SCNN1B: variants seen among roughly 807,000 people sequenced by gnomAD.
SCNN1B encodes the protein epithelial sodium channel subunit beta.
Under a neutral mutation model 65.3 loss-of-function variants are expected in SCNN1B, and 46 were observed. The ratio of observed to expected loss-of-function variants is 0.70; its 90% CI spans 0.56 to 0.90. The LOEUF is 0.90. SCNN1B is among the 40% of genes least tolerant of loss of function. The pLI, the probability that SCNN1B is intolerant of heterozygous loss-of-function variation, is 0.00. For synonymous variants in SCNN1B, 349 were observed against 330.6 expected, an observed-to-expected ratio of 1.06 and a Z score of -0.60; for missense variants, 751 against 830.5, an observed-to-expected ratio of 0.90 and a Z score of 1.18.
At chr16:23,283,275 GTGGCACA>G (rs1960806806) in intron 1 of SCNN1B, among the ~76,000 whole-genome samples, 1 of 152,156 alleles carries the variant, frequency 6.6e-6, no homozygotes. Flanking sequence ...GCCAGGTGCG[GTGGCACA>G]TGCCTGTAGT....
chr16:23,296,902 G>T (rs1189452865), intron 2 of SCNN1B, among the ~76,000 whole-genome samples: 2 of 150,664 alleles, frequency 1.3e-5, no homozygotes, highest in African/African-American at 4.9e-5. Flanking sequence ...CAGGGGAATC[G>T]CTTTAACCCA....
chr16:23,323,392 C>G (rs1274386302), intron 1 of SCNN1B, among the ~76,000 whole-genome samples: 1 of 152,134 alleles, frequency 6.6e-6, no homozygotes, highest in Non-Finnish European at 1.5e-5. Context: ...CCAGGGTACC[C>G]AAGGGCTCCA....
chr16:23,354,847 A>C (rs995985746), intron 3 of SCNN1B, among the ~76,000 whole-genome samples: 1 of 152,172 alleles, frequency 6.6e-6, no homozygotes, highest in Non-Finnish European at 1.5e-5. Flanking sequence ...TCTTCTGTGC[A>C]TGCCTCTGCA....
chr16:23,354,390 A>G (rs1158069238), intron 3 of SCNN1B, among the ~76,000 whole-genome samples: 1 of 152,250 alleles, frequency 6.6e-6, no homozygotes, highest in African/African-American at 2.4e-5. Flanking sequence ...TAAGAATGCC[A>G]GGGGAAGCTT....
At chr16:23,304,157 T>C (rs963213941) in intron 1 of SCNN1B, 7 of 1,340,538 alleles carry the variant, frequency 5.2e-6, no homozygotes, top group Middle Eastern at 2.1e-4. Flanking sequence ...TAAGTTCAAT[T>C]TATTTTTCTT....
At chr16:23,281,561 C>G (rs1302439389) in intron 1 of SCNN1B, among the ~76,000 whole-genome samples, 3 of 152,106 alleles carry the variant, frequency 2.0e-5, no homozygotes, top group Non-Finnish European at 4.4e-5. Flanking sequence ...CTGGTGGGGT[C>G]AGGTACAGTT....
chr16:23,324,102 T>C lies in SCNN1B; in HGVS notation c.-9+21665T>C, dbSNP rs1961643287. On this transcript the variant is annotated intron_variant, in intron 1 of 12. Coordinates refer to ENST00000343070, the MANE Select transcript of SCNN1B (RefSeq NM_000336.3). ...AGACAACTGAGGCTCAGAGAGGTGA[T>C]GCGATTTTGCCAAGATCACACAGCC... Among the ~76,000 whole-genome samples, 5 of 151,882 alleles carry C rather than the reference T, an allele frequency of 3.3e-5. No homozygotes were observed. The South Asian group carries it at 1.0e-3, about 32-fold the overall frequency.
chr16:23,372,189 C>T, intron 7 of SCNN1B: 1 of 460,620 alleles, frequency 2.2e-6, no homozygotes, highest in Non-Finnish European at 4.0e-6. Flanking sequence ...CACCATCAAG[C>T]TTCCATTGTG....
In SCNN1B at chr16:23,380,684, G is replaced by A. The variant is rs1489116293; in HGVS notation, c.1806G>A (p.Gly602=). The A allele has an allele frequency of 6.2e-7, 1 of 1,612,424 alleles. No homozygotes were observed. Among genetic ancestry groups the A allele is most frequent in the African/African-American group, 1.3e-5 (1 of 74,910 alleles). The change falls in exon 13 of 13, where the codon GGG becomes GGA. Residue 602 remains glycine, a synonymous_variant. Coordinates refer to ENST00000343070, the MANE Select transcript of SCNN1B (RefSeq NM_000336.3). The surrounding 1 kb of genome is among the most constrained non-coding windows in gnomAD (Gnocchi z 5.4). Reference sequence around the variant, plus strand: ...CGGCCCCCCGCAGCCCCAACACTGGGCCCTACCCCAGTGAGCAGGCCCTGC... The same window carrying A: ...CGGCCCCCCGCAGCCCCAACACTGGACCCTACCCCAGTGAGCAGGCCCTGC... The part of the protein sequence containing the change: ...PDTAPRSPNT[G]PYPSEQALPI...
At chr16:23,291,677 C>T (rs1038633733) in intron 2 of SCNN1B, among the ~76,000 whole-genome samples, 18 of 151,258 alleles carry the variant, frequency 1.2e-4, no homozygotes, top group Non-Finnish European at 2.2e-4. Flanking sequence ...GAGGTTTGGG[C>T]GATCCTCTTG....
chr16:23,379,791 T>C (rs764334923), intron 11 of SCNN1B, among the ~76,000 whole-genome samples: 5 of 151,996 alleles, frequency 3.3e-5, no homozygotes, highest in Admixed American at 6.5e-5. Context: ...AAGGGGGCCA[T>C]AGGATGGGTG....
At chr16:23,364,744 A>T (rs1436306734) in intron 4 of SCNN1B, among the ~76,000 whole-genome samples, 2 of 152,168 alleles carry the variant, frequency 1.3e-5, no homozygotes, top group African/African-American at 4.8e-5. Flanking sequence ...TAATCTCAGC[A>T]CTTTGGGAGG....
chr16:23,341,207 AAATG>A (rs1962048804), intron 1 of SCNN1B, among the ~76,000 whole-genome samples: 1 of 152,226 alleles, frequency 6.6e-6, no homozygotes, highest in African/African-American at 2.4e-5. Flanking sequence ...CAAGACAATT[AAATG>A]GGAGAAAGAA....
intron 7 of SCNN1B, among the ~76,000 whole-genome samples, chr16:23,374,853 C>A (rs979103057): frequency 6.6e-6 from 1 of 151,750 alleles, no homozygotes; most frequent in South Asian, 2.1e-4. Flanking sequence ...TCCAGGAGCC[C>A]GGGGTAGTCA....
chr16:23,377,006 G>A (rs937097426), intron 8 of SCNN1B, among the ~76,000 whole-genome samples, 159 bp from the exon 9 acceptor site: 14 of 152,134 alleles, frequency 9.2e-5, no homozygotes, highest in Non-Finnish European at 1.5e-4. Context: ...GCTGGAGGTC[G>A]GGGGCTGGGT....
chr16:23,357,998 G>A (rs993369477), intron 4 of SCNN1B, among the ~76,000 whole-genome samples: 1 of 152,250 alleles, frequency 6.6e-6, no homozygotes. Context: ...AACACGCCCA[G>A]GAGCGAGAGT....
Position 23,348,779 on chromosome 16 carries a change from C to T in SCNN1B, c.180C>T (p.Ala60=), listed in dbSNP as rs768826510. ...AMWFLLTLLF[A]ALVCWQWGIF... ...GGTTCCTGCTCACCCTGCTCTTCGCCGCCCTCGTCTGCTGGCAGTGGGGCA... is the reference window on the plus strand; with the variant it reads ...GGTTCCTGCTCACCCTGCTCTTCGCTGCCCTCGTCTGCTGGCAGTGGGGCA... The change falls in exon 2 of 13, where the codon GCC becomes GCT. Residue 60 remains alanine, a synonymous_variant. Coordinates refer to ENST00000343070, the MANE Select transcript of SCNN1B (RefSeq NM_000336.3). This position sits in a 1 kb window ranked among gnomAD's most constrained non-coding sequence, Gnocchi z 4.5. The T allele has an allele frequency of 1.1e-5, 18 of 1,614,188 alleles. No individual in the cohort carries two copies. Among genetic ancestry groups the T allele is most frequent in the East Asian group, 2.2e-5 (1 of 44,864 alleles).
chr16:23,371,634 C>A, intron 6 of SCNN1B, 142 bp from the exon 7 acceptor site: 1 of 975,342 alleles, frequency 1.0e-6, no homozygotes, highest in Non-Finnish European at 1.6e-6. Context: ...GAAGGTGAGC[C>A]CTCTGGCGCC....
At chr16:23,360,051 A>G (rs1385917077) in intron 4 of SCNN1B, among the ~76,000 whole-genome samples, 1 of 151,640 alleles carries the variant, frequency 6.6e-6, no homozygotes, top group Non-Finnish European at 1.5e-5. Context: ...AAAAATACAA[A>G]AATTAGCTGG....
Sources: gnomAD v4.1 joint callset for allele counts (sites outside exome capture counted in the v4.1 genomes callset) on GRCh38, gnomAD v4.1.1 for gene constraint, Gnocchi (gnomAD v3.1) non-coding constraint, MANE v1.5 for transcripts, NCBI Gene and HGNC (gene_info 2026-07-23, HGNC 2026-07-21) for gene names.